COBL: variants seen among roughly 807,000 people sequenced by gnomAD.
COBL encodes the protein cordon-bleu WH2 repeat protein, also known as protein cordon-bleu.
A neutral mutation model predicts 98.8 loss-of-function variants in COBL; 51 were observed. The observed-to-expected ratio is 0.52, with a 90% CI of 0.41 to 0.65. COBL has a LOEUF of 0.65. COBL is among the 30% of genes least tolerant of loss of function. The probability of loss-of-function intolerance (pLI) is 0.00; values close to 1 mark genes in which losing one functional copy is unlikely to be tolerated. For missense variants in COBL, 1,617 were observed against 1,617.5 expected, an observed-to-expected ratio of 1.00 and a Z score of 0.01; for synonymous variants, 634 against 651.7, an observed-to-expected ratio of 0.97 and a Z score of 0.41.
chr7:51,058,554 A>AAACAACAACAACAAC (rs57660073), intron 7 of COBL, among the ~76,000 whole-genome samples: 3,026 of 150,166 alleles, frequency 0.02, 59 homozygotes, highest in Non-Finnish European at 0.03. Context: ...CCATGTCTCA[A>AAACAACAACAACAAC]AACAACAACA....
At chr7:51,239,996 A>G (rs542263236) in intron 1 of COBL, among the ~76,000 whole-genome samples, 2 of 152,376 alleles carry the variant, frequency 1.3e-5, no homozygotes, top group East Asian at 3.9e-4. Context: ...CTGTGTTCCA[A>G]TACAATCTCA....
At chr7:51,035,825 T>C in intron 8 of COBL, 1 of 152,190 alleles carries the variant, frequency 6.6e-6, no homozygotes. Flanking sequence ...TACTGGACGG[T>C]GCAGCTCTCC....
At chr7:51,156,922 G>T (rs996066087) in intron 5 of COBL, among the ~76,000 whole-genome samples, 1 of 152,130 alleles carries the variant, frequency 6.6e-6, no homozygotes, top group East Asian at 1.9e-4. Context: ...AGCTGCATCC[G>T]CAGCTTAGCT....
At chr7:51,208,953 T>C (rs934818305) in intron 2 of COBL, among the ~76,000 whole-genome samples, 1 of 151,062 alleles carries the variant, frequency 6.6e-6, no homozygotes, top group Non-Finnish European at 1.5e-5. Context: ...CCAGAGACCT[T>C]TGTTCACTTG....
intron 1 of COBL, among the ~76,000 whole-genome samples, chr7:51,220,905 T>A (rs1176364193): frequency 6.6e-6 from 1 of 152,210 alleles, no homozygotes; most frequent in African/African-American, 2.4e-5. Flanking sequence ...CCTTATTTTA[T>A]ACATAGAATA....
chr7:51,146,231 C>T (rs1044391020), intron 5 of COBL, among the ~76,000 whole-genome samples: 5 of 152,218 alleles, frequency 3.3e-5, no homozygotes, highest in African/African-American at 1.2e-4. Context: ...AACTGAATGG[C>T]TTTTGTCTGT....
intron 7 of COBL, among the ~76,000 whole-genome samples, chr7:51,065,985 T>G (rs1791884877): frequency 1.3e-5 from 2 of 152,172 alleles, no homozygotes; most frequent in African/African-American, 4.8e-5. Context: ...TGCCGACACT[T>G]TGATCTCGGA....
chr7:51,018,891 C>CAAAAAAAAAAA lies in COBL; in HGVS notation c.3769-1334_3769-1324dup, dbSNP rs11433270. ...GGGCAACAAGAGAGAAACTCCATCTCAAAAAAAAAAAAAAATATATATATA... is the reference window on the plus strand; with the variant it reads ...GGGCAACAAGAGAGAAACTCCATCTCAAAAAAAAAAAAAAAAAAAAAAAAAATATATATATA... On this transcript the variant is annotated intron_variant, in intron 12 of 12. Transcript: ENST00000265136. Among the ~76,000 whole-genome samples, 8 of 6,820 alleles carry CAAAAAAAAAAA rather than the reference C, an allele frequency of 1.2e-3. 1 individual carries two copies. Among genetic ancestry groups the CAAAAAAAAAAA allele is most frequent in the Admixed American group, 1.9e-3 (1 of 532 alleles). The allele number at this position is 6,820 out of a possible 152,430, so 4.5% of individuals were successfully genotyped here.
At chr7:51,303,631 G>A (rs1802200220) in intron 1 of COBL, among the ~76,000 whole-genome samples, 1 of 152,210 alleles carries the variant, frequency 6.6e-6, no homozygotes, top group South Asian at 2.1e-4. Context: ...TGAAGTTAAT[G>A]TGCCTGGGAG....
At chr7:51,124,062 A>G (rs1315665643) in intron 6 of COBL, among the ~76,000 whole-genome samples, 2 of 152,230 alleles carry the variant, frequency 1.3e-5, no homozygotes, top group African/African-American at 2.4e-5. Context: ...AATGAAGATA[A>G]CAGAACCTGC....
At chr7:51,106,484 A>C (rs1796281148) in intron 6 of COBL, among the ~76,000 whole-genome samples, 1 of 152,186 alleles carries the variant, frequency 6.6e-6, no homozygotes, top group Non-Finnish European at 1.5e-5. Flanking sequence ...CCCAAATCCG[A>C]AACAAGAAAA....
At chr7:51,045,787 T>G (rs1789631291) in intron 7 of COBL, among the ~76,000 whole-genome samples, 1 of 152,078 alleles carries the variant, frequency 6.6e-6, no homozygotes, top group African/African-American at 2.4e-5. Context: ...TATATATTCC[T>G]CAGAAGTTTT....
intron 5 of COBL, among the ~76,000 whole-genome samples, chr7:51,138,566 T>TAGCA (rs1799448727): frequency 6.6e-6 from 1 of 152,234 alleles, no homozygotes; most frequent in South Asian, 2.1e-4. Context: ...AGTAGTCACT[T>TAGCA]AGCATATGGC....
At chr7:51,169,851 T>C (rs1403747586) in intron 5 of COBL, among the ~76,000 whole-genome samples, 1 of 152,228 alleles carries the variant, frequency 6.6e-6, no homozygotes, top group Non-Finnish European at 1.5e-5. Flanking sequence ...ACTGAATTGT[T>C]TGTAACACAA....
chr7:51,139,523 A>G lies in COBL; in HGVS notation c.784-3192T>C, dbSNP rs77970225. On this transcript the variant is annotated intron_variant, in intron 5 of 12. Coordinates refer to ENST00000265136, the MANE Select transcript of COBL (RefSeq NM_015198.5). ...CTAATTTGCTCTACACAATTAACAAATATCTCTTCCCACCTCCCACAATGC... is the reference window on the plus strand; with the variant it reads ...CTAATTTGCTCTACACAATTAACAAGTATCTCTTCCCACCTCCCACAATGC... Among the ~76,000 whole-genome samples the G allele has an allele frequency of 5.9e-3, 896 of 152,254 alleles. 26 individuals carry two copies. In the South Asian group the frequency reaches 0.075, roughly 13 times the overall value.
chr7:51,301,731 C>T (rs748948088), intron 1 of COBL, among the ~76,000 whole-genome samples: 2 of 152,178 alleles, frequency 1.3e-5, no homozygotes, highest in African/African-American at 2.4e-5. Flanking sequence ...CAGATTCCAG[C>T]GCAGATCCAG....
chr7:51,223,850 T>C (rs1793901183), intron 1 of COBL, among the ~76,000 whole-genome samples: 1 of 152,248 alleles, frequency 6.6e-6, no homozygotes, highest in Admixed American at 6.5e-5. Flanking sequence ...AATTCAATTA[T>C]TATTTAACAA....
chr7:51,093,431 T>C (rs1326065661), intron 6 of COBL, among the ~76,000 whole-genome samples: 1 of 152,196 alleles, frequency 6.6e-6, no homozygotes, highest in Non-Finnish European at 1.5e-5. Context: ...TTTTGGAAAA[T>C]ATGTTGAAGG....
At chr7:51,045,899 T>G (rs1789640746) in intron 7 of COBL, among the ~76,000 whole-genome samples, 1 of 152,182 alleles carries the variant, frequency 6.6e-6, no homozygotes, top group African/African-American at 2.4e-5. Flanking sequence ...TGCACACACG[T>G]GTTAAACCAT....
Sources: gnomAD v4.1 joint callset for allele counts (sites outside exome capture counted in the v4.1 genomes callset) on GRCh38, gnomAD v4.1.1 for gene constraint, MANE v1.5 for transcripts, NCBI Gene and HGNC (gene_info 2026-07-23, HGNC 2026-07-21) for gene names.